CCDC50: variants seen among roughly 807,000 people sequenced by gnomAD.
CCDC50 encodes coiled-coil domain containing 50.
Under a neutral mutation model 70.2 loss-of-function variants are expected in CCDC50, and 54 were observed. The ratio of observed to expected loss-of-function variants is 0.77; its 90% CI spans 0.62 to 0.96. CCDC50 has a LOEUF of 0.96. Ranked by LOEUF, CCDC50 falls within the 50% of genes least tolerant of loss-of-function variation. The pLI, the probability that CCDC50 is intolerant of heterozygous loss-of-function variation, is 0.00. For synonymous variants in CCDC50, 216 were observed against 198.8 expected, an observed-to-expected ratio of 1.09 and a Z score of -0.73; for missense variants, 558 against 578.7, an observed-to-expected ratio of 0.96 and a Z score of 0.37.
intron 1 of CCDC50, among the ~76,000 whole-genome samples, chr3:191,350,289 T>C (rs1488619081): frequency 7.0e-6 from 1 of 142,222 alleles, no homozygotes; most frequent in Non-Finnish European, 1.6e-5. Flanking sequence ...TCATAGTAGA[T>C]GTTTTCATGT....
intron 6 of CCDC50, among the ~76,000 whole-genome samples, chr3:191,376,735 A>G (rs1213261811): frequency 6.6e-6 from 1 of 152,174 alleles, no homozygotes; most frequent in Admixed American, 6.6e-5. Flanking sequence ...ATTCCAAACT[A>G]GATCCACTTT....
At chr3:191,357,222 G>A in intron 2 of CCDC50, 72 bp downstream of exon 2, 2 of 1,243,154 alleles carry the variant, frequency 1.6e-6, no homozygotes, top group Non-Finnish European at 2.4e-6. Flanking sequence ...GGTTTCTTAG[G>A]GCTTAGGTGG....
At chr3:191,348,050 A>G (rs1204030543) in intron 1 of CCDC50, among the ~76,000 whole-genome samples, 1 of 142,322 alleles carries the variant, frequency 7.0e-6, no homozygotes, top group African/African-American at 2.5e-5. Flanking sequence ...AAAATTTTTA[A>G]TGATATAATT....
intron 4 of CCDC50, among the ~76,000 whole-genome samples, chr3:191,365,155 T>G (rs1460427917): frequency 2.7e-5 from 4 of 149,710 alleles, no homozygotes; most frequent in Non-Finnish European, 4.5e-5. Context: ...AGGAAAAACT[T>G]TTTTTTTTCC....
chr3:191,377,082 A>G (rs1276600352), intron 6 of CCDC50, among the ~76,000 whole-genome samples: 3 of 152,162 alleles, frequency 2.0e-5, no homozygotes, highest in African/African-American at 7.2e-5. Flanking sequence ...TGCCAGCACA[A>G]GGGATTGAAA....
chr3:191,366,187 G>A (rs1229864335), intron 4 of CCDC50, among the ~76,000 whole-genome samples: 1 of 152,108 alleles, frequency 6.6e-6, no homozygotes, highest in Non-Finnish European at 1.5e-5. Flanking sequence ...AGATAAGAAC[G>A]TTAATGATAT....
intron 1 of CCDC50, among the ~76,000 whole-genome samples, chr3:191,341,199 A>G (rs549232915): frequency 6.6e-6 from 1 of 152,336 alleles, no homozygotes; most frequent in East Asian, 1.9e-4. Context: ...GTGGGACCTC[A>G]CTAGAAGCAA....
At chr3:191,330,422 A>G (rs893554189) in intron 1 of CCDC50, 1 of 152,248 alleles carries the variant, frequency 6.6e-6, no homozygotes, top group Non-Finnish European at 1.5e-5. Context: ...ACCTGGCTTT[A>G]GCTGACAGCA....
At chr3:191,382,144 G>A (rs1331037273) in intron 9 of CCDC50, among the ~76,000 whole-genome samples, 2 of 152,076 alleles carry the variant, frequency 1.3e-5, no homozygotes, top group African/African-American at 2.4e-5. Context: ...CTAGGAAAGG[G>A]TAAGTATTTA....
At position 191,350,259 on chromosome 3, in the gene CCDC50, C is replaced by G; in HGVS notation, c.50-6829C>G. ...CAAACTTTCACAAGACAAAATGTAT[C>G]TCTTGAATATCTTTCTTGTTCATAG... On this transcript the variant is annotated intron_variant, in intron 1 of 11. Coordinates refer to ENST00000392455, the MANE Select transcript of CCDC50 (RefSeq NM_178335.3). 1.4e-5 allele frequency among the ~76,000 whole-genome samples: 2 copies of G among 141,888 alleles called. 1 individual carries two copies. Among genetic ancestry groups the G allele is most frequent in the Non-Finnish European group, 3.2e-5 (2 of 62,920 alleles). 93.1% of individuals were successfully genotyped at this position (141,888 alleles called of 152,430 possible).
At chr3:191,385,596 A>C (rs1384182801) in intron 10 of CCDC50, among the ~76,000 whole-genome samples, 5 of 152,066 alleles carry the variant, frequency 3.3e-5, no homozygotes, top group Admixed American at 2.6e-4. Context: ...CCCATTCTGT[A>C]GGTTGTCTCT....
At chr3:191,360,571 T>G (rs926751443) in intron 3 of CCDC50, among the ~76,000 whole-genome samples, 1 of 152,238 alleles carries the variant, frequency 6.6e-6, no homozygotes, top group African/African-American at 2.4e-5. Flanking sequence ...AGAAGAAATA[T>G]AAATAGCAAT....
intron 1 of CCDC50, among the ~76,000 whole-genome samples, chr3:191,339,547 T>G (rs16866487): frequency 0.091 from 13,779 of 152,232 alleles, 679 homozygotes; most frequent in East Asian, 0.25. Flanking sequence ...TAGGTTGTAC[T>G]GAAGCCAATT....
chr3:191,391,423 C>T (rs1576978802), intron 11 of CCDC50, among the ~76,000 whole-genome samples: 1 of 152,258 alleles, frequency 6.6e-6, no homozygotes, highest in East Asian at 1.9e-4. Context: ...ACATTATAAA[C>T]ATCTTCATCA....
intron 4 of CCDC50, 129 bp downstream of exon 4, chr3:191,361,288 C>A (rs1019184528): frequency 2.5e-5 from 18 of 707,284 alleles, no homozygotes; most frequent in Non-Finnish European, 3.9e-5. Context: ...CTTATTTGGG[C>A]TGCATTTTCC....
rs2108681284 is a variant in CCDC50 at position 191,395,097 on chromosome 3, T to G, written c.*3337T>G. 6.6e-6 allele frequency: 1 copy of G among 152,240 alleles called. No individual in the cohort carries two copies. The highest frequency in any genetic ancestry group is 1.9e-4 in the East Asian group (1 of 5,184). The allele number at this position is 152,240 out of a possible 1,614,324, so 9.4% of individuals were successfully genotyped here. ...ACCTTTTTAGAATGGCAATGACCAC[T>G]TGGATCTAGGTCAACATATTCCAAA... On this transcript the variant is annotated 3_prime_UTR_variant, in exon 12 of 12. Coordinates refer to ENST00000392455, the MANE Select transcript of CCDC50 (RefSeq NM_178335.3).
rs1439409975 is a variant in CCDC50, at chr3:191,394,672, C to T, written c.*2912C>T. ...GAATAAGCACAATATATGACGGAGC[C>T]TTATCATAAGGCTGCTTGACATAGA... is the stretch of plus-strand genomic sequence containing the variant. On this transcript the variant is annotated 3_prime_UTR_variant, in exon 12 of 12. Transcript: ENST00000392455. The T allele has an allele frequency of 6.6e-6, 1 of 152,136 alleles. No individual in the cohort carries two copies. The highest frequency in any genetic ancestry group is 2.4e-5 in the African/African-American group (1 of 41,432). The allele number at this position is 152,136 out of a possible 1,614,324, so 9.4% of individuals were successfully genotyped here. A position where few individuals can be genotyped will look rare whatever the true frequency, so the allele number is the denominator to read the frequency against.
rs778276012 is a variant in CCDC50, at chr3:191,341,106, T to A, written c.49+11383T>A. On this transcript the variant is annotated intron_variant, in intron 1 of 11. Transcript: ENST00000392455. The stretch of plus-strand genomic sequence containing the variant: ...CTGCACTGGGATCATTTCTGCAGAT[T>A]CCTAAGAGCAAGTACTCACTGTAAA... Among the ~76,000 whole-genome samples the A allele has an allele frequency of 2.0e-4, 31 of 152,122 alleles. 1 individual carries two copies. Among genetic ancestry groups the A allele is most frequent in the Non-Finnish European group, 4.4e-4 (30 of 68,026 alleles).
intron 10 of CCDC50, 116 bp downstream of exon 10, chr3:191,382,941 T>C (rs1159880460): frequency 2.7e-6 from 2 of 734,678 alleles, no homozygotes; most frequent in Admixed American, 2.2e-5. Flanking sequence ...AATCTGCATT[T>C]GTAAGGTAGT....
Sources: allele counts gnomAD v4.1 joint callset (sites outside exome capture counted in the v4.1 genomes callset), GRCh38; gene constraint gnomAD v4.1.1; transcripts MANE v1.5; gene names NCBI Gene and HGNC (gene_info 2026-07-23, HGNC 2026-07-21).